The following AAMDC variants were observed in gnomAD, a reference collection of about 807,000 sequenced individuals.
AAMDC encodes adipogenesis associated Mth938 domain containing.
In AAMDC, 16 loss-of-function variants were observed where a neutral mutation model predicts 15.5. The observed-to-expected ratio is 1.03, with a 90% CI of 0.70 to 1.57. AAMDC has a LOEUF of 1.57. Ranked by LOEUF, AAMDC falls within the 40% of genes most tolerant of loss-of-function variation. The pLI, the probability that AAMDC is intolerant of heterozygous loss-of-function variation, is 0.00. For missense variants in AAMDC, 141 were observed against 144.9 expected (o/e 0.97, Z 0.14); for synonymous variants, 51 against 51.6 (o/e 0.99, Z 0.05).
At chr11:77,831,862 AT>A (rs767406733) in intron 1 of AAMDC, 21,977 of 80,740 alleles carry the variant, frequency 0.27, 2,722 homozygotes, top group African/African-American at 0.34. Flanking sequence ...TGCCTGGCTA[AT>A]TTTTTTTTTT....
At chr11:77,821,600 A>AG (rs1371154736) in intron 1 of AAMDC, among the ~76,000 whole-genome samples, 1 of 151,864 alleles carries the variant, frequency 6.6e-6, no homozygotes, top group African/African-American at 2.4e-5. Context: ...CCATGGTGTG[A>AG]GGGGAAGGGG....
intron 2 of AAMDC, among the ~76,000 whole-genome samples, chr11:77,852,762 T>G (rs1321204851): frequency 2.0e-5 from 3 of 152,146 alleles, no homozygotes; most frequent in African/African-American, 7.2e-5. Flanking sequence ...AAATAATTTT[T>G]TTTCTTTTTT....
chr11:77,857,437 T>G (rs1157080427), intron 2 of AAMDC, among the ~76,000 whole-genome samples: 1 of 152,198 alleles, frequency 6.6e-6, no homozygotes, highest in Non-Finnish European at 1.5e-5. Flanking sequence ...TCACTATCTA[T>G]AAATATTTAT....
downstream of AAMDC, among the ~76,000 whole-genome samples, chr11:77,902,647 T>C (rs953930698): frequency 6.6e-5 from 10 of 152,208 alleles, no homozygotes; most frequent in Non-Finnish European, 1.3e-4. Context: ...ATTAAGCTAA[T>C]AGACTTGAAA....
chr11:77,825,066 C>T (rs1241964405), intron 1 of AAMDC, among the ~76,000 whole-genome samples: 3 of 152,060 alleles, frequency 2.0e-5, no homozygotes, highest in Non-Finnish European at 4.4e-5. Context: ...CTGCATGCTC[C>T]GACTCCTGGT....
At chr11:77,823,517 C>G (rs905927327) in intron 1 of AAMDC, among the ~76,000 whole-genome samples, 7 of 149,092 alleles carry the variant, frequency 4.7e-5, no homozygotes, top group African/African-American at 1.7e-4. Context: ...ACCCCTTGAG[C>G]CAAGGAGTTC....
chr11:77,841,088 A>G (rs1949912288), intron 1 of AAMDC: 6 of 667,198 alleles, frequency 9.0e-6, no homozygotes, highest in Non-Finnish European at 1.6e-5. Flanking sequence ...GCATCATCCT[A>G]TAGTGGAAGT....
chr11:77,887,638 G>C (rs1248223784), intron 5 of AAMDC, among the ~76,000 whole-genome samples: 5 of 152,148 alleles, frequency 3.3e-5, no homozygotes, highest in African/African-American at 9.7e-5. Flanking sequence ...AATTGTCCCT[G>C]TTTGCAGATG....
intron 2 of AAMDC, among the ~76,000 whole-genome samples, chr11:77,857,544 T>G (rs1950673315): frequency 1.3e-5 from 2 of 152,318 alleles, no homozygotes; most frequent in African/African-American, 4.8e-5. Context: ...CATCCAAGCC[T>G]TGGATCCTAT....
At chr11:77,859,179 A>C (rs1434890238) in intron 2 of AAMDC, among the ~76,000 whole-genome samples, 1 of 152,036 alleles carries the variant, frequency 6.6e-6, no homozygotes, top group African/African-American at 2.4e-5. Context: ...TCCCCATTCT[A>C]TTTCTTCTTT....
downstream of AAMDC, chr11:77,876,862 A>G (rs1166749343): frequency 3.1e-6 from 2 of 636,350 alleles, no homozygotes; most frequent in African/African-American, 1.8e-5. Context: ...TCTGAAAAAT[A>G]TCAGCATATT....
chr11:77,826,249 C>T (rs1949166514), intron 1 of AAMDC, among the ~76,000 whole-genome samples: 1 of 151,860 alleles, frequency 6.6e-6, no homozygotes, highest in Admixed American at 6.6e-5. Flanking sequence ...GTAGTCCCAG[C>T]TACTCGGGAG....
chr11:77,867,953 T>G (rs2136291408), intron 2 of AAMDC, among the ~76,000 whole-genome samples: 1 of 152,332 alleles, frequency 6.6e-6, no homozygotes, highest in Middle Eastern at 3.4e-3. Context: ...AAGTCAAAAT[T>G]TTAGCATGCT....
chr11:77,903,300 C>T (rs1242154007), downstream of AAMDC, among the ~76,000 whole-genome samples: 2 of 152,048 alleles, frequency 1.3e-5, no homozygotes, highest in African/African-American at 2.4e-5. Flanking sequence ...TCTGGCTCCG[C>T]CTTGGACCAG....
chr11:77,873,390 T>G (rs1951510068), downstream of AAMDC, among the ~76,000 whole-genome samples: 1 of 152,244 alleles, frequency 6.6e-6, no homozygotes, highest in Non-Finnish European at 1.5e-5. Flanking sequence ...GGGGATACTG[T>G]GTAAAGCCAA....
chr11:77,822,824 C>T (rs1451318445), intron 1 of AAMDC, among the ~76,000 whole-genome samples: 1 of 152,142 alleles, frequency 6.6e-6, no homozygotes, highest in African/African-American at 2.4e-5. Flanking sequence ...CTAAAGAACA[C>T]TGTAAATGTA....
At chr11:77,852,224 C>CAAAA (rs545742213) in intron 2 of AAMDC, among the ~76,000 whole-genome samples, 922 of 33,372 alleles carry the variant, frequency 0.028, 85 homozygotes, top group African/African-American at 0.1. Context: ...GACACTGTCT[C>CAAAA]AAAAAAAAAA....
intron 1 of AAMDC, among the ~76,000 whole-genome samples, chr11:77,839,924 T>G (rs774879311): frequency 5.9e-5 from 9 of 152,110 alleles, no homozygotes; most frequent in Non-Finnish European, 1.3e-4. Flanking sequence ...ATGGCACATG[T>G]GTACCTATGT....
At chr11:77,880,213 C>A (rs1951738683) in intron 5 of AAMDC, among the ~76,000 whole-genome samples, 1 of 152,150 alleles carries the variant, frequency 6.6e-6, no homozygotes, top group Non-Finnish European at 1.5e-5. Context: ...GGAATGAAGG[C>A]TAGATGGATC....
Sources: gnomAD v4.1 joint callset for allele counts (sites outside exome capture counted in the v4.1 genomes callset) on GRCh38, gnomAD v4.1.1 for gene constraint, MANE v1.5 for transcripts, NCBI Gene and HGNC (gene_info 2026-07-23, HGNC 2026-07-21) for gene names.